Variants in TTC28 observed in about 807,000 individuals in gnomAD.
TTC28 encodes tetratricopeptide repeat protein 28.
Under a neutral mutation model 198.0 loss-of-function variants are expected in TTC28, and 61 were observed. The observed-to-expected ratio is 0.31, with a 90% CI of 0.25 to 0.38. The LOEUF (loss-of-function observed/expected upper bound fraction) is 0.38, where lower values mean the gene tolerates loss of function less well. Among genes scored for constraint, TTC28 ranks in the 10% least tolerant of loss-of-function variants. The pLI is 1.00. For missense variants in TTC28, 2,678 were observed against 3,164.0 expected (o/e 0.85, Z 3.69); for synonymous variants, 1,171 against 1,297.8 (o/e 0.90, Z 2.10).
At chr22:28,386,663 G>C (rs916432680) in intron 2 of TTC28, among the ~76,000 whole-genome samples, 2 of 152,120 alleles carry the variant, frequency 1.3e-5, no homozygotes, top group African/African-American at 4.8e-5. Context: ...TGGGGTGAAA[G>C]GGAGAAAGGA....
intron 6 of TTC28, among the ~76,000 whole-genome samples, chr22:28,155,053 C>T (rs574566585): frequency 2.0e-5 from 3 of 152,256 alleles, no homozygotes; most frequent in South Asian, 2.1e-4. Context: ...TGGATTCCCC[C>T]GACCCTCTGT....
intron 2 of TTC28, among the ~76,000 whole-genome samples, chr22:28,357,994 T>A (rs1569280470): frequency 6.6e-6 from 1 of 152,176 alleles, no homozygotes; most frequent in Non-Finnish European, 1.5e-5. Context: ...AGGGAGCTAT[T>A]TTCTTTAAGC....
chr22:28,607,642 T>G (rs1601616695), intron 2 of TTC28, among the ~76,000 whole-genome samples: 1 of 152,206 alleles, frequency 6.6e-6, no homozygotes, highest in Admixed American at 6.5e-5. Context: ...AATAGGTAAG[T>G]AGAGGTTCTA....
chr22:27,983,795 G>A lies in TTC28; in HGVS notation c.5872C>T (p.Leu1958Phe), dbSNP rs1193028366. ...TTGGAAACAGACTGAGCAGAAGCAA[G>A]AGACTCGAGGGAGGAGGAGCTGTCA... is the stretch of plus-strand genomic sequence containing the variant. ...SLDSSSSLES[L>F]ASAQSVSNAL... The change falls in exon 23 of 23, where the codon CTT (leucine) becomes TTT (phenylalanine). Residue 1958 changes from leucine (L) to phenylalanine (F), a missense_variant. Physicochemically the swap from Leu to Phe is conservative, Grantham distance 22 (BLOSUM62 0). Transcript: ENST00000397906. The A allele has an allele frequency of 1.3e-6, 2 of 1,551,652 alleles. No homozygotes were observed. Among genetic ancestry groups the A allele is most frequent in the Non-Finnish European group, 1.7e-6 (2 of 1,147,022 alleles).
At chr22:28,098,870 G>GCACTAGTGCA in intron 10 of TTC28, 45 bp downstream of exon 10, 1 of 1,543,886 alleles carries the variant, frequency 6.5e-7, no homozygotes, top group Non-Finnish European at 8.7e-7. Flanking sequence ...GCACCCGTGC[G>GCACTAGTGCA]CACTAGTGCA....
chr22:28,140,219 A>C (rs374024174), intron 6 of TTC28, among the ~76,000 whole-genome samples: 9 of 152,224 alleles, frequency 5.9e-5, no homozygotes, highest in African/African-American at 2.2e-4. Flanking sequence ...CTCTGGATTC[A>C]GGAAATCCTT....
At chr22:28,020,259 C>T (rs943101839) in intron 13 of TTC28, among the ~76,000 whole-genome samples, 1 of 152,250 alleles carries the variant, frequency 6.6e-6, no homozygotes, top group African/African-American at 2.4e-5. Context: ...TGCCGGGACC[C>T]AGTTGGACTG....
In TTC28 at chr22:28,255,788, T is replaced by A. The variant is rs537013218; in HGVS notation, c.933+40410A>T. 7.6e-4 allele frequency among the ~76,000 whole-genome samples: 116 copies of A among 152,076 alleles called. 2 individuals carry two copies. In the South Asian group the frequency reaches 0.022, roughly 29 times the overall value. ...TTCCCAGTCTGGGTCCCTGAGTGAC[T>A]ATAGTGAGCAGAGGCTTTGATGACC... On this transcript the variant is annotated intron_variant, in intron 5 of 22. Transcript: ENST00000397906.
intron 5 of TTC28, among the ~76,000 whole-genome samples, chr22:28,279,022 C>G (rs532504270): frequency 6.6e-6 from 1 of 152,136 alleles, no homozygotes; most frequent in African/African-American, 2.4e-5. Flanking sequence ...ATTCGAATCA[C>G]TAGAATTACT....
In TTC28 at chr22:27,983,084, C is replaced by T. The variant is rs1937079472; in HGVS notation, c.6583G>A (p.Asp2195Asn). The T allele has an allele frequency of 6.4e-7, 1 of 1,551,640 alleles. No homozygotes were observed. Among genetic ancestry groups the T allele is most frequent in the African/African-American group, 1.4e-5 (1 of 73,060 alleles). The change falls in exon 23 of 23, where the codon GAC becomes AAC. Residue 2195 changes from aspartate (D) to asparagine (N), a missense_variant. By Grantham distance (23) the Asp-to-Asn change is conservative (BLOSUM62 1). Coordinates refer to ENST00000397906, the MANE Select transcript of TTC28 (RefSeq NM_001145418.2). ...GQVSKSNNPE[D>N]GVQAPSSTAV... ...GTGCTGCTGGGCGCCTGAACGCCGT[C>T]TTCAGGGTTATTACTCTTGCTCACC...
intron 2 of TTC28, among the ~76,000 whole-genome samples, chr22:28,511,999 G>A (rs1429499554): frequency 6.6e-6 from 1 of 151,740 alleles, no homozygotes; most frequent in East Asian, 1.9e-4. Context: ...TCTATCATCG[G>A]AGTGAACGGA....
chr22:28,435,303 CAT>C (rs1405531223), intron 2 of TTC28, among the ~76,000 whole-genome samples: 2 of 152,160 alleles, frequency 1.3e-5, no homozygotes, highest in Non-Finnish European at 2.9e-5. Context: ...AGAATTCAAT[CAT>C]GTGAGAATGT....
At chr22:28,558,322 T>C (rs187961803) in intron 2 of TTC28, among the ~76,000 whole-genome samples, 1 of 152,316 alleles carries the variant, frequency 6.6e-6, no homozygotes, top group Admixed American at 6.5e-5. Context: ...ACCAAAAATG[T>C]TGGGGTATTT....
intron 2 of TTC28, among the ~76,000 whole-genome samples, chr22:28,506,428 G>A (rs973122236): frequency 1.3e-4 from 20 of 152,034 alleles, no homozygotes; most frequent in East Asian, 5.8e-4. Context: ...CAGAGCTCCC[G>A]GGGGGAGGGG....
chr22:28,236,497 G>A (rs1218545791), intron 5 of TTC28, among the ~76,000 whole-genome samples: 3 of 151,936 alleles, frequency 2.0e-5, no homozygotes, highest in African/African-American at 7.3e-5. Flanking sequence ...TATTGATAGT[G>A]ATAAATAGGA....
rs183800918 is a variant in TTC28 at position 28,193,254 on chromosome 22, G to C, written c.934-29655C>G. On this transcript the variant is annotated intron_variant, in intron 5 of 22. Coordinates refer to ENST00000397906, the MANE Select transcript of TTC28 (RefSeq NM_001145418.2). ...CGAATGCTGAGAGATTTTGTCACCA[G>C]CAGGCCTGCCTTACAAGAGCTCCTG... 9.9e-4 allele frequency among the ~76,000 whole-genome samples: 151 copies of C among 152,216 alleles called. 1 individual carries two copies. Among genetic ancestry groups the C allele is most frequent in the African/African-American group, 3.0e-3 (123 of 41,520 alleles).
rs1937070679 is a variant in TTC28 at position 27,982,884 on chromosome 22, G to A, written c.6783C>T (p.Asp2261=). Residue 2261 remains aspartate (D), a synonymous_variant, in exon 23 of 23, where the codon GAC becomes GAT. Transcript: ENST00000397906. This position sits in a 1 kb window ranked among gnomAD's most constrained non-coding sequence, Gnocchi z 5.2. The part of the protein sequence containing the change: ...SPTTSEMSIK[D]SPSQHSGRPS... ...GCCGGCCACTGTGCTGGCTCGGGCT[G>A]TCTTTGATGGACATCTCTGAGGTGG... 1 of 1,551,190 alleles carries A rather than the reference G, an allele frequency of 6.4e-7. No individual in the cohort carries two copies. The highest frequency in any genetic ancestry group is 1.2e-5 in the South Asian group (1 of 84,032).
chr22:28,343,609 T>C (rs905871987), intron 2 of TTC28, among the ~76,000 whole-genome samples: 1 of 152,168 alleles, frequency 6.6e-6, no homozygotes, highest in Non-Finnish European at 1.5e-5. Flanking sequence ...ATTACTTTTA[T>C]GGAGCACAAG....
intron 6 of TTC28, among the ~76,000 whole-genome samples, chr22:28,135,578 G>C (rs1347610715): frequency 6.6e-6 from 1 of 152,166 alleles, no homozygotes; most frequent in East Asian, 1.9e-4. Context: ...TTGACATTTA[G>C]AAAATCACTG....
Sources: allele counts gnomAD v4.1 joint callset (sites outside exome capture counted in the v4.1 genomes callset), GRCh38; gene constraint gnomAD v4.1.1; non-coding constraint Gnocchi (gnomAD v3.1); transcripts MANE v1.5; gene names NCBI Gene and HGNC (gene_info 2026-07-23, HGNC 2026-07-21).